The following CTNNA3 variants were observed in gnomAD, a reference collection of about 807,000 sequenced individuals.
The protein encoded by CTNNA3 is catenin alpha 3.
In CTNNA3, 76 loss-of-function variants were observed where a neutral mutation model predicts 95.7. The observed-to-expected ratio is 0.79, with a 90% confidence interval of 0.66 to 0.96. CTNNA3 has a LOEUF of 0.96. Among genes scored for constraint, CTNNA3 ranks in the 40% least tolerant of loss-of-function variants. The pLI is 0.00. For synonymous variants in CTNNA3, 431 were observed against 374.4 expected (o/e 1.15, Z -1.74); for missense variants, 1,191 against 1,089.8 (o/e 1.09, Z -1.31).
At chr10:66,451,507 A>G (rs2093464794) in intron 11 of CTNNA3, among the ~76,000 whole-genome samples, 1 of 152,160 alleles carries the variant, frequency 6.6e-6, no homozygotes, top group African/African-American at 2.4e-5. Context: ...AATGGTCTAG[A>G]TTCGAAGCAA....
At chr10:66,068,563 G>A (rs1047252568) in intron 15 of CTNNA3, among the ~76,000 whole-genome samples, 9 of 152,004 alleles carry the variant, frequency 5.9e-5, no homozygotes, top group African/African-American at 1.9e-4. Context: ...ATGTACCAAC[G>A]GTACACAGCA....
intron 5 of CTNNA3, among the ~76,000 whole-genome samples, chr10:67,408,882 C>CCA (rs1554833433): frequency 8.1e-4 from 79 of 97,212 alleles, no homozygotes; most frequent in African/African-American, 2.9e-3. Context: ...CTTAAATTTA[C>CCA]AAAAAAAAAA....
At chr10:67,622,215 CA>C (rs1009325392) in intron 2 of CTNNA3, among the ~76,000 whole-genome samples, 1 of 152,162 alleles carries the variant, frequency 6.6e-6, no homozygotes, top group African/African-American at 2.4e-5. Context: ...TTGCTTCTAT[CA>C]ATCTATTAAT....
intron 7 of CTNNA3, among the ~76,000 whole-genome samples, chr10:66,914,542 CAAAA>C (rs34229702): frequency 7.6e-6 from 1 of 132,380 alleles, no homozygotes. Flanking sequence ...AGTATACCAC[CAAAA>C]AAAAAAAAAA....
chr10:67,732,008 C>G (rs1240037812), intron 1 of CTNNA3, among the ~76,000 whole-genome samples: 2 of 150,650 alleles, frequency 1.3e-5, no homozygotes, highest in African/African-American at 4.9e-5. Context: ...TCTCGAACAC[C>G]TAACCTTATG....
chr10:67,321,401 T>C (rs1208123938), intron 5 of CTNNA3, among the ~76,000 whole-genome samples: 9 of 152,208 alleles, frequency 5.9e-5, no homozygotes, highest in Admixed American at 5.9e-4. Flanking sequence ...ATTTATGTGA[T>C]TCTACTCTTC....
intron 4 of CTNNA3, among the ~76,000 whole-genome samples, chr10:67,530,655 A>G (rs2133181792): frequency 6.6e-6 from 1 of 152,386 alleles, no homozygotes; most frequent in East Asian, 1.9e-4. Flanking sequence ...GTGATAGAAA[A>G]GAAAATCACA....
At chr10:66,217,927 T>A (rs924160260) in intron 13 of CTNNA3, among the ~76,000 whole-genome samples, 2 of 49,278 alleles carry the variant, frequency 4.1e-5, no homozygotes, top group African/African-American at 5.5e-5. Flanking sequence ...TGTCACCTCC[T>A]AACTGATTCT....
intron 7 of CTNNA3, among the ~76,000 whole-genome samples, chr10:67,087,276 G>A (rs1389815532): frequency 3.3e-5 from 5 of 152,024 alleles, no homozygotes; most frequent in Non-Finnish European, 7.4e-5. Context: ...GAGTCCATTA[G>A]TGGAAAAGCT....
At chr10:67,695,365 T>C (rs1840944063) in intron 1 of CTNNA3, among the ~76,000 whole-genome samples, 1 of 152,200 alleles carries the variant, frequency 6.6e-6, no homozygotes, top group Admixed American at 6.5e-5. Flanking sequence ...CTCACAATCA[T>C]TCAGATCCCA....
Position 66,632,786 on chromosome 10 carries a change from G to C in CTNNA3, c.1282-11002C>G, listed in dbSNP as rs536535195. On this transcript the variant is annotated intron_variant, in intron 9 of 17. Coordinates refer to ENST00000433211, the MANE Select transcript of CTNNA3 (RefSeq NM_013266.4). ...AAATAAAGTTAAAATACAAAAGATAGGCAAAACTTTGTTTTTATATTTGAT... is the reference window on the plus strand; with the variant it reads ...AAATAAAGTTAAAATACAAAAGATACGCAAAACTTTGTTTTTATATTTGAT... 2.3e-4 allele frequency among the ~76,000 whole-genome samples: 35 copies of C among 151,452 alleles called. 1 individual carries two copies. The highest frequency in any genetic ancestry group is 3.1e-4 in the Non-Finnish European group (21 of 67,888).
At chr10:67,451,021 C>A (rs79861253) in intron 5 of CTNNA3, among the ~76,000 whole-genome samples, 2 of 152,126 alleles carry the variant, frequency 1.3e-5, no homozygotes, top group Admixed American at 6.6e-5. Context: ...GAGGTAGGGC[C>A]TTTATGAGGT....
At chr10:67,620,870 C>T (rs1843809709) in intron 2 of CTNNA3, among the ~76,000 whole-genome samples, 1 of 149,332 alleles carries the variant, frequency 6.7e-6, no homozygotes, top group South Asian at 2.1e-4. Context: ...AGAGCTTTCA[C>T]TACTGTACAT....
At chr10:67,051,730 A>C (rs1855111243) in intron 7 of CTNNA3, among the ~76,000 whole-genome samples, 1 of 143,738 alleles carries the variant, frequency 7.0e-6, no homozygotes, top group South Asian at 2.2e-4. Flanking sequence ...AGAGGAGTGA[A>C]GTTATACACA....
chr10:67,449,974 A>G (rs1042221936), intron 5 of CTNNA3, among the ~76,000 whole-genome samples: 1 of 152,234 alleles, frequency 6.6e-6, no homozygotes, highest in Non-Finnish European at 1.5e-5. Flanking sequence ...CCCATTAAAA[A>G]GTGGACAAAA....
intron 13 of CTNNA3, among the ~76,000 whole-genome samples, chr10:66,159,551 G>A (rs556341280): frequency 9.3e-5 from 14 of 151,274 alleles, no homozygotes; most frequent in African/African-American, 2.7e-4. Context: ...TGTTGGGTTC[G>A]GTTAGCTAGT....
At chr10:66,779,815 C>A (rs777636918) in intron 7 of CTNNA3, among the ~76,000 whole-genome samples, 12 of 152,190 alleles carry the variant, frequency 7.9e-5, no homozygotes, top group Non-Finnish European at 1.0e-4. Context: ...AATAGGTCAA[C>A]ATAGTCAACA....
chr10:66,492,852 CT>C (rs1388958815), intron 11 of CTNNA3, among the ~76,000 whole-genome samples: 2 of 152,096 alleles, frequency 1.3e-5, no homozygotes, highest in African/African-American at 4.8e-5. Flanking sequence ...AAAGATCATT[CT>C]CCTTGATAGA....
chr10:66,860,646 A>C lies in CTNNA3; in HGVS notation c.1048-85122T>G, dbSNP rs117240591. ...GGCCCTCACCTTTTTATGAGTATCT[A>C]TGCCATTGCAGTATTTGCTATACAT... On this transcript the variant is annotated intron_variant, in intron 7 of 17. Transcript: ENST00000433211. 4.6e-3 allele frequency among the ~76,000 whole-genome samples: 701 copies of C among 152,256 alleles called. 2 individuals are homozygous for C. The highest frequency in any genetic ancestry group is 0.024 in the Middle Eastern group (7 of 294).
Sources: allele counts gnomAD v4.1 joint callset (sites outside exome capture counted in the v4.1 genomes callset), GRCh38; gene constraint gnomAD v4.1.1; transcripts MANE v1.5; gene names NCBI Gene and HGNC (gene_info 2026-07-23, HGNC 2026-07-21).